SCN7A: variants seen among roughly 807,000 people sequenced by gnomAD.
The protein encoded by SCN7A is sodium voltage-gated channel alpha subunit 7.
In SCN7A, 138 loss-of-function variants were observed where a neutral mutation model predicts 155.2. The observed-to-expected ratio is 0.89, with a 90% CI of 0.77 to 1.02. The LOEUF is 1.02. Ranked by LOEUF, SCN7A falls within the 50% of genes least tolerant of loss-of-function variation. The pLI is 0.00. For missense variants in SCN7A, 2,058 were observed against 1,986.6 expected (o/e 1.04, Z -0.68); for synonymous variants, 693 against 649.0 (o/e 1.07, Z -1.03).
intron 3 of SCN7A, among the ~76,000 whole-genome samples, chr2:166,476,347 T>C (rs1042464339): frequency 1.3e-5 from 2 of 151,990 alleles, no homozygotes; most frequent in African/African-American, 4.8e-5. Context: ...TTTGATAATA[T>C]CATTGAATGC....
intron 21 of SCN7A, among the ~76,000 whole-genome samples, chr2:166,415,501 G>C (rs1701356905): frequency 6.6e-6 from 1 of 152,038 alleles, no homozygotes; most frequent in African/African-American, 2.4e-5. Flanking sequence ...GGGATTACAG[G>C]CATGAGCCAC....
At chr2:166,492,856 T>C (rs777936239) in intron 1 of SCN7A, among the ~76,000 whole-genome samples, 3 of 152,186 alleles carry the variant, frequency 2.0e-5, no homozygotes, top group Non-Finnish European at 4.4e-5. Context: ...CTTTTTGGAG[T>C]GTCATTTATA....
intron 3 of SCN7A, among the ~76,000 whole-genome samples, chr2:166,474,945 A>G (rs1702747455): frequency 6.6e-6 from 1 of 150,982 alleles, no homozygotes; most frequent in Non-Finnish European, 1.5e-5. Context: ...AAAAATAATG[A>G]AATATCAGAA....
chr2:166,463,287 A>G (rs145216853), intron 9 of SCN7A, among the ~76,000 whole-genome samples: 9 of 152,296 alleles, frequency 5.9e-5, no homozygotes, highest in Non-Finnish European at 8.8e-5. Flanking sequence ...CCATTATTAC[A>G]GTGGCAGTCC....
intron 21 of SCN7A, among the ~76,000 whole-genome samples, chr2:166,415,690 T>C (rs1701360917): frequency 6.6e-6 from 1 of 152,188 alleles, no homozygotes; most frequent in Non-Finnish European, 1.5e-5. Flanking sequence ...ATGACTGTCT[T>C]ACTTTGATCT....
chr2:166,406,398 T>C lies in SCN7A; in HGVS notation c.4231A>G (p.Ile1411Val). 6.2e-7 allele frequency: 1 copy of C among 1,613,036 alleles called. No homozygotes were observed. The change falls in exon 26 of 26, where the codon ATT becomes GTT. Residue 1411 changes from isoleucine to valine, a missense_variant. Coordinates refer to ENST00000643258, the MANE Select transcript of SCN7A (RefSeq NM_002976.4). ...NFAYVKKEAG[I>V]NDVSNFETFG... is the part of the protein sequence containing the mutation. ...GTTTCAAAATTAGACACATCATTAA[T>C]TCCAGCTTCTTTTTTAACATAGGCA...
At chr2:166,478,089 T>C (rs553505340) in intron 2 of SCN7A, among the ~76,000 whole-genome samples, 1 of 151,996 alleles carries the variant, frequency 6.6e-6, no homozygotes, top group South Asian at 2.1e-4. Context: ...TTTTCTTCTT[T>C]AAACTTACTC....
chr2:166,406,188 G>A lies in SCN7A; in HGVS notation c.4441C>T (p.Leu1481Phe), dbSNP rs760515614. The change falls in exon 26 of 26, where the codon CTC (leucine) becomes TTC (phenylalanine). Residue 1481 changes from leucine (L) to phenylalanine (F), a missense_variant. Physicochemically the swap from Leu to Phe is conservative, Grantham distance 22 (BLOSUM62 0). Transcript: ENST00000643258. ...TTTACAATGATCAGCCATGATATGA[G>A]GATATAACTGACAAAATAAAAAATC... ...VGIFYFVSYILISWLIIVNMY... is the reference protein window; with the variant it reads ...VGIFYFVSYIFISWLIIVNMY... 2.5e-6 allele frequency: 4 copies of A among 1,612,540 alleles called. No individual in the cohort carries two copies. In the African/African-American group the frequency reaches 5.3e-5, roughly 22 times the overall value.
intron 8 of SCN7A, 54 bp downstream of exon 8, chr2:166,465,726 CT>C (rs1702516584): frequency 5.1e-6 from 8 of 1,564,788 alleles, no homozygotes; most frequent in Non-Finnish European, 7.0e-6. Flanking sequence ...GGGAAGACTG[CT>C]TTGCCTTTAA....
intron 19 of SCN7A, among the ~76,000 whole-genome samples, chr2:166,422,372 T>C (rs1701528674): frequency 6.6e-6 from 1 of 151,822 alleles, no homozygotes; most frequent in Non-Finnish European, 1.5e-5. Context: ...AATGAACAAA[T>C]GGTACAATAT....
At chr2:166,426,867 T>C (rs1019254771) in intron 18 of SCN7A, among the ~76,000 whole-genome samples, 1 of 152,010 alleles carries the variant, frequency 6.6e-6, no homozygotes, top group Admixed American at 6.6e-5. Flanking sequence ...AACACAAAAT[T>C]TATTTAAAAA....
rs777883396 is a variant in SCN7A at position 166,470,670 on chromosome 2, T to C, written c.609A>G (p.Pro203=). The C allele has an allele frequency of 1.2e-6, 2 of 1,609,402 alleles. No homozygotes were observed. The highest frequency in any genetic ancestry group is 1.7e-6 in the Non-Finnish European group (2 of 1,177,100). Residue 203 remains proline, a synonymous_variant, in exon 7 of 26, where the codon CCA becomes CCG. Transcript: ENST00000643258. ...TCAAAGTTCTTGCAGTTTGAAGCGT[T>C]GGAATGAAGTCCAGAGGTGAGTATC... ...IIRYSPLDFI[P]TLQTARTLRI... is the part of the protein sequence containing the mutation.
intron 7 of SCN7A, among the ~76,000 whole-genome samples, chr2:166,469,886 G>C (rs559189971): frequency 3.3e-5 from 5 of 151,896 alleles, no homozygotes; most frequent in African/African-American, 1.2e-4. Context: ...TTCTTTCATA[G>C]ACCAGAAAGA....
At chr2:166,470,769 T>A in intron 6 of SCN7A, 63 bp from the exon 7 acceptor site, 1 of 1,414,386 alleles carries the variant, frequency 7.1e-7, no homozygotes, top group South Asian at 1.5e-5. Flanking sequence ...ATTCTTGGCT[T>A]TTTATGGTTA....
intron 9 of SCN7A, among the ~76,000 whole-genome samples, chr2:166,463,655 A>G: frequency 6.6e-6 from 1 of 152,170 alleles, no homozygotes; most frequent in East Asian, 1.9e-4. Context: ...GAATGTACAT[A>G]AAAGGAATTA....
intron 6 of SCN7A, among the ~76,000 whole-genome samples, chr2:166,471,564 C>G (rs1702654291): frequency 6.6e-6 from 1 of 151,808 alleles, no homozygotes; most frequent in South Asian, 2.1e-4. Context: ...ATTTTAAAAA[C>G]TGACCCAAAA....
chr2:166,437,715 C>G (rs541558963), intron 15 of SCN7A, among the ~76,000 whole-genome samples: 5 of 152,294 alleles, frequency 3.3e-5, no homozygotes, highest in Non-Finnish European at 7.4e-5. Context: ...TCAGCATGCC[C>G]TGGATGTGAG....
chr2:166,476,737 AG>A (rs1355871677), intron 3 of SCN7A, among the ~76,000 whole-genome samples: 1 of 152,010 alleles, frequency 6.6e-6, no homozygotes, highest in African/African-American at 2.4e-5. Context: ...GCAACAGCTA[AG>A]TTTCCAGTTA....
chr2:166,437,503 T>G (rs1701864512), intron 15 of SCN7A, among the ~76,000 whole-genome samples: 1 of 152,158 alleles, frequency 6.6e-6, no homozygotes, highest in East Asian at 1.9e-4. Context: ...GAGTCCCCAC[T>G]GGGGCACTGC....
Sources: gnomAD v4.1 joint callset for allele counts (sites outside exome capture counted in the v4.1 genomes callset) on GRCh38, gnomAD v4.1.1 for gene constraint, MANE v1.5 for transcripts, NCBI Gene and HGNC (gene_info 2026-07-23, HGNC 2026-07-21) for gene names.